The following BTBD18 variants were observed in gnomAD, a reference collection of about 807,000 sequenced individuals.
BTBD18 encodes the protein BTB domain containing 18.
For synonymous variants in BTBD18, 311 were observed against 324.4 expected (o/e 0.96, Z 0.44); for missense variants, 787 against 846.3 (o/e 0.93, Z 0.87).
Position 57,745,884 on chromosome 11 carries a change from A to G in BTBD18, c.389T>C (p.Leu130Ser). 2 of 1,551,596 alleles carry G rather than the reference A, an allele frequency of 1.3e-6. No homozygotes were observed. Among genetic ancestry groups the G allele is most frequent in the Non-Finnish European group, 1.7e-6 (2 of 1,146,972 alleles). Residue 130 changes from leucine (L) to serine (S), a missense_variant, in exon 3 of 3, where the codon TTG (leucine) becomes TCG (serine). Coordinates refer to ENST00000422652, the MANE Select transcript of BTBD18 (RefSeq NM_001145101.3). ...LESLQLEGGK[L>S]VKAPQGRRLN... ...CCTTCGGCCCTGTGGGGCCTTCACCAACTTTCCACCCTCAAGCTGAAGGGA... is the reference window on the plus strand; with the variant it reads ...CCTTCGGCCCTGTGGGGCCTTCACCGACTTTCCACCCTCAAGCTGAAGGGA...
In BTBD18 at chr11:57,743,843, G is replaced by T; in HGVS notation, c.*291C>A. 1 of 281,930 alleles carries T rather than the reference G, an allele frequency of 3.5e-6. No homozygotes were observed. Among genetic ancestry groups the T allele is most frequent in the Non-Finnish European group, 6.7e-6 (1 of 149,426 alleles). The allele number at this position is 281,930 out of a possible 1,614,324, so 17.5% of individuals were successfully genotyped here. On this transcript the variant is annotated 3_prime_UTR_variant, in exon 3 of 3. Transcript: ENST00000422652. ...CTTATGACCTGAGAGATCTGGCCTT[G>T]GCTGTTACCTATGACCCACCAGAAT...
rs1433708420 is a variant in BTBD18, at chr11:57,744,514, C to A, written c.1759G>T (p.Val587Leu). 22 of 1,551,530 alleles carry A rather than the reference C, an allele frequency of 1.4e-5. No individual in the cohort carries two copies. Among genetic ancestry groups the A allele is most frequent in the Non-Finnish European group, 1.8e-5 (21 of 1,146,966 alleles). The change falls in exon 3 of 3, where the codon GTA (valine) becomes TTA (leucine). Residue 587 changes from valine (V) to leucine (L), a missense_variant. Physicochemically the swap from Val to Leu is conservative, Grantham distance 32. Coordinates refer to ENST00000422652, the MANE Select transcript of BTBD18 (RefSeq NM_001145101.3). ...MPSEVSEVLS[V>L]GGRWTPDLEI... ...AGGTCTGGTGTCCAACGGCCTCCTA[C>A]TGAAAGCACTTCACTCACCTCAGAG... is the stretch of plus-strand genomic sequence containing the variant.
intron 2 of BTBD18, among the ~76,000 whole-genome samples, chr11:57,748,439 G>A (rs1445450467): frequency 6.6e-6 from 1 of 152,052 alleles, no homozygotes. Context: ...TCAAGGCCGG[G>A]CACAGTGGCT....
At chr11:57,747,924 T>C (rs1227358286) in intron 2 of BTBD18, among the ~76,000 whole-genome samples, 2 of 152,182 alleles carry the variant, frequency 1.3e-5, no homozygotes, top group African/African-American at 2.4e-5. Flanking sequence ...CTCAGCCTCT[T>C]GAGTAGCTGG....
At position 57,744,072 on chromosome 11, in the gene BTBD18, A is replaced by G. The variant is rs1949143570; in HGVS notation, c.*62T>C. ...GCACGTGCCAGCTTCTCTGCCAGTA[A>G]GCCTTTTGCTAGCTAACATTTCCCA... On this transcript the variant is annotated 3_prime_UTR_variant, in exon 3 of 3. Coordinates refer to ENST00000422652, the MANE Select transcript of BTBD18 (RefSeq NM_001145101.3). 7.8e-7 allele frequency: 1 copy of G among 1,277,044 alleles called. No individual in the cohort carries two copies. Among genetic ancestry groups the G allele is most frequent in the Non-Finnish European group, 1.1e-6 (1 of 926,718 alleles). 79.1% of individuals were successfully genotyped at this position (1,277,044 alleles called of 1,614,324 possible).
intron 2 of BTBD18, among the ~76,000 whole-genome samples, chr11:57,748,000 C>A (rs1949230251): frequency 6.6e-6 from 1 of 152,188 alleles, no homozygotes; most frequent in African/African-American, 2.4e-5. Flanking sequence ...CAGGGTTTTA[C>A]CATATTGCCT....
chr11:57,744,278 T>C lies in BTBD18; in HGVS notation c.1995A>G (p.Leu665=). ...GKEVSGHSEL[L]GSLPASSEEE... is the part of the protein sequence containing the mutation. ...CTTCAGAGCTGGCAGGAAGTGAGCC[T>C]AGTAGTTCAGAGTGACCAGATACCT... Residue 665 remains leucine (L), a synonymous_variant, in exon 3 of 3, where the codon CTA becomes CTG. Transcript: ENST00000422652. The C allele has an allele frequency of 6.4e-7, 1 of 1,551,656 alleles. No homozygotes were observed. Among genetic ancestry groups the C allele is most frequent in the Non-Finnish European group, 8.7e-7 (1 of 1,146,960 alleles).
rs769240391 is a variant in BTBD18 at position 57,744,506 on chromosome 11, G to C, written c.1767C>G (p.Gly589=). ...SEVSEVLSVG[G]RWTPDLEITS... ...TAATTTCAAGGTCTGGTGTCCAACG[G>C]CCTCCTACTGAAAGCACTTCACTCA... Residue 589 remains glycine, a synonymous_variant, in exon 3 of 3, where the codon GGC becomes GGG. Transcript: ENST00000422652. The C allele has an allele frequency of 3.9e-6, 6 of 1,551,626 alleles. No homozygotes were observed. The South Asian group carries it at 5.9e-5, about 15-fold the overall frequency.
rs1463059130 is a variant in BTBD18 at position 57,744,722 on chromosome 11, T to C, written c.1551A>G (p.Pro517=). The part of the protein sequence containing the change: ...IEPPIGSLES[P]GAEGCRTPTY... ...TAGGCGTTCTGCAGCCCTCAGCCCCTGGACTCTCCAGAGACCCTATAGGTG... is the reference window on the plus strand; with the variant it reads ...TAGGCGTTCTGCAGCCCTCAGCCCCCGGACTCTCCAGAGACCCTATAGGTG... The change falls in exon 3 of 3, where the codon CCA becomes CCG. Residue 517 remains proline, a synonymous_variant. Transcript: ENST00000422652. 2 of 1,551,720 alleles carry C rather than the reference T, an allele frequency of 1.3e-6. No homozygotes were observed. Among genetic ancestry groups the C allele is most frequent in the Admixed American group, 2.0e-5 (1 of 51,008 alleles).
upstream of BTBD18, among the ~76,000 whole-genome samples, chr11:57,752,263 G>C (rs1187638077): frequency 1.3e-5 from 2 of 152,188 alleles, no homozygotes; most frequent in African/African-American, 4.8e-5. Flanking sequence ...GGCTGGGCGG[G>C]GTGGCTCACG....
Position 57,744,187 on chromosome 11 carries a change from C to A in BTBD18, c.2086G>T (p.Val696Leu). The change falls in exon 3 of 3, where the codon GTG (valine) becomes TTG (leucine). Residue 696 changes from valine to leucine, a missense_variant. Transcript: ENST00000422652. ...GRLVPTTVPSVWPDPSSESET... is the reference protein window; with the variant it reads ...GRLVPTTVPSLWPDPSSESET... ...GACTCTGAGGAAGGGTCAGGCCACA[C>A]GGAGGGAACAGTAGTGGGTACCAGC... is the stretch of plus-strand genomic sequence containing the variant. The A allele has an allele frequency of 9.7e-6, 15 of 1,551,528 alleles. No homozygotes were observed. Among genetic ancestry groups the A allele is most frequent in the Non-Finnish European group, 1.3e-5 (15 of 1,146,920 alleles).
intron 2 of BTBD18, among the ~76,000 whole-genome samples, chr11:57,749,138 ATCC>A (rs372221932): frequency 1.3e-5 from 2 of 152,168 alleles, no homozygotes; most frequent in African/African-American, 4.8e-5. Context: ...TTTCTTTTTT[ATCC>A]TCCTAAGTCT....
intron 2 of BTBD18, among the ~76,000 whole-genome samples, chr11:57,748,777 A>G (rs1275258080): frequency 6.6e-6 from 1 of 152,160 alleles, no homozygotes; most frequent in African/African-American, 2.4e-5. Flanking sequence ...TTTCTAAACA[A>G]CAAGCTGAAT....
intron 2 of BTBD18, among the ~76,000 whole-genome samples, chr11:57,747,284 G>T (rs1204355070): frequency 1.3e-5 from 2 of 152,114 alleles, no homozygotes; most frequent in Non-Finnish European, 2.9e-5. Flanking sequence ...TTTCCTGAGG[G>T]AGTAAACATA....
At chr11:57,749,426 C>G (rs1483703704) in intron 2 of BTBD18, among the ~76,000 whole-genome samples, 3 of 152,148 alleles carry the variant, frequency 2.0e-5, no homozygotes, top group African/African-American at 7.2e-5. Flanking sequence ...AACCATATAG[C>G]TAAGGCTTCT....
Position 57,744,994 on chromosome 11 carries a change from G to T in BTBD18, c.1279C>A (p.Gln427Lys). 6.4e-7 allele frequency: 1 copy of T among 1,551,686 alleles called. No homozygotes were observed. Residue 427 changes from glutamine (Q) to lysine (K), a missense_variant, in exon 3 of 3, where the codon CAA (glutamine) becomes AAA (lysine). Physicochemically the swap from Gln to Lys is moderately conservative, Grantham distance 53. Transcript: ENST00000422652. The part of the protein sequence containing the change: ...CQDSPMCTKL[Q>K]DILVSASHSP... ...TGGCTAGCAGAGACCAGAATGTCTTGTAGCTTAGTGCACATGGGGGAGTCC... is the reference window on the plus strand; with the variant it reads ...TGGCTAGCAGAGACCAGAATGTCTTTTAGCTTAGTGCACATGGGGGAGTCC...
intron 2 of BTBD18, among the ~76,000 whole-genome samples, chr11:57,746,597 T>G (rs1590995189): frequency 6.6e-6 from 1 of 152,130 alleles, no homozygotes; most frequent in Non-Finnish European, 1.5e-5. Flanking sequence ...GTGCTGAGAT[T>G]ACAGGCGTGA....
chr11:57,750,936 T>C lies in BTBD18; in HGVS notation c.124+129A>G, dbSNP rs575758340. The C allele has an allele frequency of 2.0e-4, 139 of 681,544 alleles. No homozygotes were observed. In the African/African-American group the frequency reaches 2.1e-3, roughly 10 times the overall value. 42.2% of individuals were successfully genotyped at this position (681,544 alleles called of 1,614,324 possible). On this transcript the variant is annotated intron_variant, in intron 2 of 2. Transcript: ENST00000422652. ...TAATTGTCCTAGAAACAAACAGCCCTTTACCAAATAGTTTACAGTGGTCAT... is the reference window on the plus strand; with the variant it reads ...TAATTGTCCTAGAAACAAACAGCCCCTTACCAAATAGTTTACAGTGGTCAT...
Position 57,745,690 on chromosome 11 carries a change from G to T in BTBD18, c.583C>A (p.Arg195=). 1 of 1,551,636 alleles carries T rather than the reference G, an allele frequency of 6.4e-7. No individual in the cohort carries two copies. Among genetic ancestry groups the T allele is most frequent in the East Asian group, 2.4e-5 (1 of 40,914 alleles). The change falls in exon 3 of 3, where the codon CGA becomes AGA. Residue 195 remains arginine, a synonymous_variant. Transcript: ENST00000422652. ...GKEEGPQENN[R]QNADNLSGTL... ...CCAGACAAATTGTCTGCATTCTGTC[G>T]GTTGTTTTCCTGGGGCCCCTCTTCC...
Sources: allele counts gnomAD v4.1 joint callset (sites outside exome capture counted in the v4.1 genomes callset), GRCh38; gene constraint gnomAD v4.1.1; transcripts MANE v1.5; gene names NCBI Gene and HGNC (gene_info 2026-07-23, HGNC 2026-07-21).